The following FTO variants were observed in gnomAD, a reference collection of about 807,000 sequenced individuals.
FTO encodes alpha-ketoglutarate-dependent dioxygenase FTO.
Under a neutral mutation model 63.9 loss-of-function variants are expected in FTO, and 47 were observed. The observed-to-expected ratio is 0.74, with a 90% CI of 0.58 to 0.94. The LOEUF is 0.94. FTO is among the 40% of genes least tolerant of loss of function. The probability of loss-of-function intolerance (pLI) is 0.00; values close to 1 mark genes in which losing one functional copy is unlikely to be tolerated. For synonymous variants in FTO, 207 were observed against 224.4 expected (o/e 0.92, Z 0.69); for missense variants, 562 against 618.1 (o/e 0.91, Z 0.96).
chr16:53,950,088 T>C (rs2082737018), intron 8 of FTO, among the ~76,000 whole-genome samples: 1 of 128,034 alleles, frequency 7.8e-6, no homozygotes, highest in African/African-American at 3.0e-5. Context: ...TTTTTTTTGG[T>C]GTGTAACACA....
intron 8 of FTO, among the ~76,000 whole-genome samples, chr16:54,096,716 C>T (rs2086523529): frequency 6.6e-6 from 1 of 152,170 alleles, no homozygotes; most frequent in African/African-American, 2.4e-5. Context: ...TAAGTTTCAG[C>T]CCCAATTAAT....
intron 8 of FTO, among the ~76,000 whole-genome samples, chr16:53,989,389 T>A (rs2083749261): frequency 6.6e-6 from 1 of 152,096 alleles, no homozygotes; most frequent in African/African-American, 2.4e-5. Context: ...GGTGATGGGA[T>A]TTGGCAATTG....
chr16:53,967,791 C>T (rs1262748543), intron 8 of FTO, among the ~76,000 whole-genome samples: 2 of 152,162 alleles, frequency 1.3e-5, no homozygotes, highest in Non-Finnish European at 2.9e-5. Context: ...AGGAGCCGGG[C>T]TGTGACAGAT....
intron 8 of FTO, among the ~76,000 whole-genome samples, chr16:54,051,066 A>G (rs1488853492): frequency 3.9e-5 from 6 of 152,212 alleles, no homozygotes; most frequent in Non-Finnish European, 8.8e-5. Flanking sequence ...AAAAAGCGTT[A>G]TCCATAATGT....
intron 6 of FTO, among the ~76,000 whole-genome samples, chr16:53,884,404 T>C (rs1293942308): frequency 6.6e-6 from 1 of 152,208 alleles, no homozygotes; most frequent in Non-Finnish European, 1.5e-5. Flanking sequence ...TCCTTATAAC[T>C]ACTGCAAAAG....
intron 7 of FTO, among the ~76,000 whole-genome samples, chr16:53,922,560 T>A (rs1231206734): frequency 6.6e-6 from 1 of 152,216 alleles, no homozygotes; most frequent in Non-Finnish European, 1.5e-5. Flanking sequence ...AGGAAACTAC[T>A]GATGGTGTTA....
At chr16:53,877,692 A>AT (rs1299550276) in intron 5 of FTO, among the ~76,000 whole-genome samples, 1 of 151,984 alleles carries the variant, frequency 6.6e-6, no homozygotes, top group Non-Finnish European at 1.5e-5. Flanking sequence ...AAATGCTTGA[A>AT]TTTTATGACG....
intron 8 of FTO, among the ~76,000 whole-genome samples, chr16:54,083,703 A>C (rs1461505390): frequency 6.6e-6 from 1 of 152,080 alleles, no homozygotes; most frequent in Non-Finnish European, 1.5e-5. Context: ...CCTATTTGAG[A>C]ACAGACCAAC....
chr16:53,876,545 C>T (rs2080659738), intron 5 of FTO, among the ~76,000 whole-genome samples: 1 of 152,170 alleles, frequency 6.6e-6, no homozygotes, highest in African/African-American at 2.4e-5. Context: ...TCTCATAAAG[C>T]ACTTGTGTCT....
At chr16:53,760,621 C>CTTTT (rs1169039527) in intron 1 of FTO, among the ~76,000 whole-genome samples, 31 of 112,016 alleles carry the variant, frequency 2.8e-4, no homozygotes, top group Non-Finnish European at 4.5e-4. Flanking sequence ...TGCTTGCTTT[C>CTTTT]TTTTTTTTTT....
At chr16:53,745,254 G>A (rs989660134) in intron 1 of FTO, among the ~76,000 whole-genome samples, 4 of 152,056 alleles carry the variant, frequency 2.6e-5, no homozygotes, top group Non-Finnish European at 4.4e-5. Flanking sequence ...TTTATAGGGC[G>A]GCTCTAAGGA....
intron 8 of FTO, among the ~76,000 whole-genome samples, chr16:54,069,459 G>A (rs2085810598): frequency 6.6e-6 from 1 of 152,026 alleles, no homozygotes; most frequent in Non-Finnish European, 1.5e-5. Flanking sequence ...CAAACACCAA[G>A]CAAATACTAA....
intron 2 of FTO, among the ~76,000 whole-genome samples, chr16:53,825,661 T>C (rs1200893247): frequency 1.3e-5 from 2 of 152,206 alleles, no homozygotes; most frequent in African/African-American, 4.8e-5. Context: ...GAGCTTGAAC[T>C]TGAAAATCTT....
chr16:54,000,399 G>C (rs1306848675), intron 8 of FTO, among the ~76,000 whole-genome samples: 1 of 152,214 alleles, frequency 6.6e-6, no homozygotes, highest in Non-Finnish European at 1.5e-5. Flanking sequence ...TTGAGCTCAA[G>C]TCAGATTCTG....
chr16:53,787,125 AAAAAAAAAAAAAAAAAAG>A (rs2077765842), intron 1 of FTO, among the ~76,000 whole-genome samples: 1 of 149,204 alleles, frequency 6.7e-6, no homozygotes, highest in East Asian at 2.0e-4. Context: ...AAAAAAAAAA[AAAAAAAAAAAAAAAAAAG>A]AAAAAGAAAC....
intron 1 of FTO, among the ~76,000 whole-genome samples, chr16:53,736,215 G>A (rs2076387800): frequency 1.3e-5 from 2 of 152,278 alleles, no homozygotes; most frequent in Admixed American, 6.5e-5. Context: ...TGAGAACCCT[G>A]TATCGTACCG....
At chr16:53,935,776 T>A (rs187055801) in intron 8 of FTO, 21 of 152,336 alleles carry the variant, frequency 1.4e-4, no homozygotes, top group Non-Finnish European at 2.1e-4. Context: ...TAATTAATTT[T>A]AAAATTTTCT....
intron 3 of FTO, among the ~76,000 whole-genome samples, chr16:53,843,027 A>G (rs1487999037): frequency 6.6e-6 from 1 of 152,168 alleles, no homozygotes; most frequent in Non-Finnish European, 1.5e-5. Flanking sequence ...CTCTGAAAAT[A>G]TATTAGATAG....
intron 8 of FTO, among the ~76,000 whole-genome samples, chr16:54,031,324 G>A (rs74476323): frequency 2.4e-3 from 363 of 152,242 alleles, no homozygotes; most frequent in Middle Eastern, 0.014. Flanking sequence ...GTGGTGTTGC[G>A]GCAGAAAAAC....
Sources: allele counts gnomAD v4.1 joint callset (sites outside exome capture counted in the v4.1 genomes callset), GRCh38; gene constraint gnomAD v4.1.1; transcripts MANE v1.5; gene names NCBI Gene and HGNC (gene_info 2026-07-23, HGNC 2026-07-21).